Variants in LIMCH1 observed in about 807,000 individuals in gnomAD.
LIMCH1 encodes LIM and calponin homology domains-containing protein 1.
A neutral mutation model predicts 176.5 loss-of-function variants in LIMCH1; 113 were observed. That is an observed-to-expected ratio of 0.64 (90% CI 0.55 to 0.75). The LOEUF (loss-of-function observed/expected upper bound fraction) is 0.75. Among genes scored for constraint, LIMCH1 ranks in the 30% least tolerant of loss-of-function variants. The pLI is 0.00. For missense variants in LIMCH1, 1,674 were observed against 1,814.9 expected (o/e 0.92, Z 1.41); for synonymous variants, 619 against 645.9 (o/e 0.96, Z 0.63).
chr4:41,417,559 T>C (rs1030298162), intron 1 of LIMCH1, among the ~76,000 whole-genome samples: 1 of 152,292 alleles, frequency 6.6e-6, no homozygotes, highest in Admixed American at 6.5e-5. Flanking sequence ...GTTGCTCTGT[T>C]GCCCAGGCTG....
At position 41,360,832 on chromosome 4, in the gene LIMCH1, G is replaced by A; in HGVS notation, c.-9G>A. 6.5e-7 allele frequency: 1 copy of A among 1,546,102 alleles called. No individual in the cohort carries two copies. Among genetic ancestry groups the A allele is most frequent in the Non-Finnish European group, 8.7e-7 (1 of 1,147,392 alleles). ...ATCCCGGCGCTTGAGAGGACGCGGGGCTGCGCAAATGGCTTGTCCCGCTCT... is the reference window on the plus strand; with the variant it reads ...ATCCCGGCGCTTGAGAGGACGCGGGACTGCGCAAATGGCTTGTCCCGCTCT... On this transcript the variant is annotated 5_prime_UTR_variant, in exon 1 of 27. Coordinates refer to the LIMCH1 transcript ENST00000313860. The surrounding 1 kb of genome is among the most constrained non-coding windows in gnomAD (Gnocchi z 4.5).
intron 1 of LIMCH1, among the ~76,000 whole-genome samples, chr4:41,597,884 G>T (rs2089205617): frequency 6.6e-6 from 1 of 152,160 alleles, no homozygotes; most frequent in Non-Finnish European, 1.5e-5. Flanking sequence ...TTAGAATCCT[G>T]ACTGCAAACT....
At chr4:41,389,458 G>A in intron 1 of LIMCH1, 1 of 202,132 alleles carries the variant, frequency 4.9e-6, no homozygotes, top group Admixed American at 4.4e-5. Context: ...CTGATCTTTA[G>A]CCAGAGAACT....
chr4:41,620,719 C>A, intron 7 of LIMCH1, 29 bp downstream of exon 7: 1 of 1,508,436 alleles, frequency 6.6e-7, no homozygotes, highest in Non-Finnish European at 8.8e-7. Context: ...GCTGGCCCGG[C>A]TGGCTTTCTG....
At chr4:41,535,735 G>A, upstream of LIMCH1, among the ~76,000 whole-genome samples, 1 of 152,152 alleles carries the variant, frequency 6.6e-6, no homozygotes, top group East Asian at 1.9e-4. Flanking sequence ...TGTTTTGAAT[G>A]CCTAGACTTG....
intron 7 of LIMCH1, among the ~76,000 whole-genome samples, chr4:41,622,622 TTCAGTACCTGGGACG>T (rs2092668324): frequency 6.6e-6 from 1 of 152,190 alleles, no homozygotes; most frequent in African/African-American, 2.4e-5. Flanking sequence ...ACTGTGCCAC[TTCAGTACCTGGGACG>T]TTTATTTTAT....
intron 1 of LIMCH1, among the ~76,000 whole-genome samples, chr4:41,588,584 C>A (rs952911796): frequency 1.3e-5 from 2 of 152,294 alleles, no homozygotes; most frequent in Admixed American, 6.5e-5. Context: ...CTAGCTGAGA[C>A]ATAAACATGG....
chr4:41,620,671 G>C lies in LIMCH1; in HGVS notation c.706G>C (p.Ala236Pro). Residue 236 changes from alanine to proline, a missense_variant, in exon 7 of 32, where the codon GCA becomes CCA. Coordinates refer to ENST00000503057, the MANE Select transcript of LIMCH1 (RefSeq NM_001330672.2). ...GCAAGCTGGAATCAAGGTCATGCCA[G>C]CAGCACAGCGCTTTGCCAGGTCAGC... Reference protein sequence around the residue: ...LEQAGIKVMPAAQRFASQKQL... With the variant: ...LEQAGIKVMPPAQRFASQKQL... The C allele has an allele frequency of 7.8e-6, 12 of 1,535,120 alleles. No individual in the cohort carries two copies. Among genetic ancestry groups the C allele is most frequent in the Non-Finnish European group, 1.0e-5 (12 of 1,146,226 alleles).
At chr4:41,653,652 G>C (rs1439620647) in intron 18 of LIMCH1, among the ~76,000 whole-genome samples, 2 of 152,220 alleles carry the variant, frequency 1.3e-5, no homozygotes, top group Non-Finnish European at 2.9e-5. Context: ...CAGTAGGCAG[G>C]AGCATGAATT....
intron 25 of LIMCH1, 117 bp downstream of exon 25, chr4:41,681,176 C>T: frequency 3.4e-6 from 2 of 584,858 alleles, no homozygotes; most frequent in Middle Eastern, 2.8e-4. Context: ...CTAGCTATTC[C>T]CCTAGAATCA....
chr4:41,572,812 G>A (rs536338326), intron 1 of LIMCH1, among the ~76,000 whole-genome samples: 1 of 152,250 alleles, frequency 6.6e-6, no homozygotes, highest in East Asian at 1.9e-4. Context: ...CTAGACATAA[G>A]GCAACGGGAA....
Position 41,646,659 on chromosome 4 carries a change from C to T in LIMCH1, c.2586C>T (p.Ser862=), listed in dbSNP as rs553470210. Residue 862 remains serine, a synonymous_variant, in exon 17 of 32, where the codon TCC becomes TCT. Transcript: ENST00000503057. ...GCCATTCAACAGAGCCAAATTTATC[C>T]TCCTTCCTGAATGACCCCAATCCCA... The part of the protein sequence containing the change: ...ERSHSTEPNL[S]SFLNDPNPMK... 14 of 1,614,200 alleles carry T rather than the reference C, an allele frequency of 8.7e-6. No homozygotes were observed. The Admixed American group carries it at 1.2e-4, about 13-fold the overall frequency.
intron 1 of LIMCH1, among the ~76,000 whole-genome samples, chr4:41,595,242 G>A (rs932863269): frequency 6.6e-6 from 1 of 152,162 alleles, no homozygotes; most frequent in Non-Finnish European, 1.5e-5. Context: ...TTGCCGTTGG[G>A]AGGGAAGGAG....
intron 18 of LIMCH1, among the ~76,000 whole-genome samples, chr4:41,652,657 C>A (rs977547432): frequency 5.9e-5 from 9 of 152,180 alleles, no homozygotes; most frequent in Non-Finnish European, 1.0e-4. Context: ...GTTCTTATTT[C>A]TCTTTTGCCA....
chr4:41,533,048 G>A (rs1395695412), intron 3 of LIMCH1, among the ~76,000 whole-genome samples: 1 of 152,152 alleles, frequency 6.6e-6, no homozygotes, highest in Non-Finnish European at 1.5e-5. Context: ...GCAGGATTCA[G>A]TTCCTCACAG....
At chr4:41,419,688 CTTCCT>C (rs1561312510) in intron 1 of LIMCH1, among the ~76,000 whole-genome samples, 993 of 82,756 alleles carry the variant, frequency 0.012, 59 homozygotes, top group South Asian at 0.11. Flanking sequence ...TTCCTCCTTC[CTTCCT>C]TCCTTCCTTC....
chr4:41,515,943 C>T (rs1468052450), intron 2 of LIMCH1, among the ~76,000 whole-genome samples: 1 of 152,216 alleles, frequency 6.6e-6, no homozygotes, highest in Non-Finnish European at 1.5e-5. Flanking sequence ...CCAGCAATAA[C>T]TGGGTTTTAG....
intron 1 of LIMCH1, among the ~76,000 whole-genome samples, chr4:41,544,459 A>C (rs558291738): frequency 6.6e-6 from 1 of 152,260 alleles, no homozygotes; most frequent in South Asian, 2.1e-4. Flanking sequence ...TGTCGAGGGG[A>C]GCAGTTGAGT....
rs1349163236 is a variant in LIMCH1, at chr4:41,698,383, A to G, written c.*1198A>G. ...ACCTTGCCCATGGAGAAGTTTAGAG[A>G]GGAACTCTTGTGGAGAGCTGGTTTA... is the stretch of plus-strand genomic sequence containing the variant. On this transcript the variant is annotated 3_prime_UTR_variant, in exon 32 of 32. Coordinates refer to ENST00000503057, the MANE Select transcript of LIMCH1 (RefSeq NM_001330672.2). 1 of 152,172 alleles carries G rather than the reference A, an allele frequency of 6.6e-6. No individual in the cohort carries two copies. The highest frequency in any genetic ancestry group is 6.5e-5 in the Admixed American group (1 of 15,270). 9.4% of individuals were successfully genotyped at this position (152,172 alleles called of 1,614,324 possible). A position where few individuals can be genotyped will look rare whatever the true frequency, so the allele number is the denominator to read the frequency against.
Sources: gnomAD v4.1 joint callset for allele counts (sites outside exome capture counted in the v4.1 genomes callset) on GRCh38, gnomAD v4.1.1 for gene constraint, Gnocchi (gnomAD v3.1) non-coding constraint, MANE v1.5 for transcripts, NCBI Gene and HGNC (gene_info 2026-07-23, HGNC 2026-07-21) for gene names.